The following TYW1 variants were observed in gnomAD, a reference collection of about 807,000 sequenced individuals.
The protein encoded by TYW1 is S-adenosyl-L-methionine-dependent tRNA 4-demethylwyosine synthase TYW1.
A neutral mutation model predicts 96.2 loss-of-function variants in TYW1; 46 were observed. The ratio of observed to expected loss-of-function variants is 0.48; its 90% CI spans 0.38 to 0.61. The LOEUF (loss-of-function observed/expected upper bound fraction) is 0.61, where lower values mean the gene tolerates loss of function less well. Ranked by LOEUF, TYW1 falls within the 20% of genes least tolerant of loss-of-function variation. TYW1 has a pLI of 0.00. For synonymous variants in TYW1, 274 were observed against 323.0 expected, an observed-to-expected ratio of 0.85 and a Z score of 1.63; for missense variants, 684 against 909.6, an observed-to-expected ratio of 0.75 and a Z score of 3.19.
At chr7:67,149,268 A>G (rs2116155189) in intron 13 of TYW1, among the ~76,000 whole-genome samples, 1 of 152,372 alleles carries the variant, frequency 6.6e-6, no homozygotes, top group Non-Finnish European at 1.5e-5. Flanking sequence ...TCTTTTGCTC[A>G]TTCAAACTAG....
chr7:67,223,749 A>G (rs1350853881), intron 15 of TYW1, among the ~76,000 whole-genome samples: 1 of 151,840 alleles, frequency 6.6e-6, no homozygotes, highest in African/African-American at 2.4e-5. Flanking sequence ...CATAACATGT[A>G]CACAGCTGCC....
intron 13 of TYW1, among the ~76,000 whole-genome samples, chr7:67,171,075 C>G (rs140947015): frequency 1.3e-5 from 2 of 151,986 alleles, no homozygotes; most frequent in African/African-American, 2.4e-5. Context: ...AATCTCTTGA[C>G]TTGTAGGTCT....
intron 11 of TYW1, among the ~76,000 whole-genome samples, chr7:67,085,064 T>C (rs939816447): frequency 6.6e-6 from 1 of 152,236 alleles, no homozygotes; most frequent in African/African-American, 2.4e-5. Flanking sequence ...TGTTTTAATA[T>C]AGACACTCTT....
At chr7:67,140,706 TTAAAA>T (rs1584611478) in intron 13 of TYW1, among the ~76,000 whole-genome samples, 1 of 152,352 alleles carries the variant, frequency 6.6e-6, no homozygotes, top group African/African-American at 2.4e-5. Flanking sequence ...ATGGTACCTG[TTAAAA>T]TAAAAAATGT....
intron 12 of TYW1, among the ~76,000 whole-genome samples, chr7:67,109,439 G>A (rs556965338): frequency 6.7e-4 from 90 of 133,356 alleles, no homozygotes; most frequent in African/African-American, 2.7e-3. Context: ...GATCACAAGC[G>A]ACTGTTTTTT....
chr7:67,210,195 G>A (rs571350165), intron 15 of TYW1, among the ~76,000 whole-genome samples: 2 of 152,238 alleles, frequency 1.3e-5, no homozygotes, highest in Admixed American at 6.5e-5. Context: ...GACCTTGATA[G>A]CTTTGAGGGG....
chr7:67,153,356 C>T (rs939274459), intron 13 of TYW1, among the ~76,000 whole-genome samples: 2 of 151,978 alleles, frequency 1.3e-5, no homozygotes, highest in African/African-American at 2.4e-5. Context: ...CTTGGGAGAC[C>T]GAGACAGGAG....
rs1368959136 is a variant in TYW1, at chr7:66,996,905, C to T, written c.-74C>T. On this transcript the variant is annotated 5_prime_UTR_variant, in exon 1 of 16. Transcript: ENST00000359626. ...GCTAACGCGGCGAGGTAGCTCGGTG[C>T]GTCTCGCGGTACCAGTGCGAATCAT... The T allele has an allele frequency of 6.8e-6, 11 of 1,609,392 alleles. No individual in the cohort carries two copies. The highest frequency in any genetic ancestry group is 8.5e-6 in the Non-Finnish European group (10 of 1,178,092).
chr7:67,057,440 T>C (rs1383611080), intron 9 of TYW1, among the ~76,000 whole-genome samples: 1 of 151,982 alleles, frequency 6.6e-6, no homozygotes. Flanking sequence ...TGCAATCTTG[T>C]ATCACTGCAC....
At position 67,107,823 on chromosome 7, in the gene TYW1, C is replaced by A. The variant is rs189701773; in HGVS notation, c.1562+9105C>A. 5.9e-4 allele frequency among the ~76,000 whole-genome samples: 89 copies of A among 150,786 alleles called. 1 individual carries two copies. In the East Asian group the frequency reaches 0.017, roughly 29 times the overall value. ...TCAAGTGATCCTCCCACCCTGGCCT[C>A]CAAAAGTGCTGGGATTACAGGTGGG... On this transcript the variant is annotated intron_variant, in intron 12 of 15. Transcript: ENST00000359626.
chr7:67,172,133 C>T (rs1435069568), intron 13 of TYW1, among the ~76,000 whole-genome samples: 3 of 151,696 alleles, frequency 2.0e-5, no homozygotes, highest in African/African-American at 7.3e-5. Flanking sequence ...TTTCAGCTGT[C>T]TTTTTCTCTA....
At chr7:67,167,201 G>A (rs1026216474) in intron 13 of TYW1, among the ~76,000 whole-genome samples, 8 of 152,036 alleles carry the variant, frequency 5.3e-5, no homozygotes, top group African/African-American at 1.7e-4. Flanking sequence ...CGGGCGCGGC[G>A]GCTCACGCCT....
intron 13 of TYW1, among the ~76,000 whole-genome samples, chr7:67,133,003 A>G (rs1259168754): frequency 1.3e-5 from 2 of 152,224 alleles, no homozygotes; most frequent in Admixed American, 1.3e-4. Context: ...GGATCATAGG[A>G]TATGTACATC....
intron 9 of TYW1, among the ~76,000 whole-genome samples, chr7:67,062,670 C>T (rs1795734530): frequency 6.6e-6 from 1 of 151,836 alleles, no homozygotes; most frequent in Admixed American, 6.6e-5. Flanking sequence ...GGGAGTGCTG[C>T]AAACAATTTT....
chr7:67,008,849 A>G (rs1390426578), intron 3 of TYW1, among the ~76,000 whole-genome samples: 1 of 151,322 alleles, frequency 6.6e-6, no homozygotes, highest in Non-Finnish European at 1.5e-5. Flanking sequence ...TTTAGTAGAG[A>G]CGGGGTTTTA....
In TYW1 at chr7:67,238,914, A is replaced by G; in HGVS notation, c.*385A>G. On this transcript the variant is annotated 3_prime_UTR_variant, in exon 16 of 16. Transcript: ENST00000359626. ...GGCCTCTTCCCCTTACCCGGCCCTT[A>G]GATTTCATGGAGCAGCCACTTAGCA... The G allele has an allele frequency of 2.9e-6, 3 of 1,047,466 alleles. No individual in the cohort carries two copies. Among genetic ancestry groups the G allele is most frequent in the Non-Finnish European group, 3.5e-6 (3 of 865,932 alleles). The allele number at this position is 1,047,466 out of a possible 1,614,324, so 64.9% of individuals were successfully genotyped here. A position where few individuals can be genotyped will look rare whatever the true frequency, so the allele number is the denominator to read the frequency against.
At chr7:67,093,262 C>G (rs1228357903) in intron 11 of TYW1, among the ~76,000 whole-genome samples, 2 of 152,162 alleles carry the variant, frequency 1.3e-5, no homozygotes, top group African/African-American at 2.4e-5. Context: ...GGGCCTGGCA[C>G]CCCATTAAGT....
intron 3 of TYW1, 152 bp from the exon 4 acceptor site, chr7:67,009,431 G>C: frequency 1.5e-6 from 1 of 656,992 alleles, no homozygotes; most frequent in East Asian, 2.8e-5. Flanking sequence ...AAAATGGTAA[G>C]AGTGAGGATA....
chr7:67,133,635 A>G lies in TYW1; in HGVS notation c.1698+16017A>G, dbSNP rs867983397. ...ATCTCAAAAAAAAAAAAAAAGAAAA[A>G]AAAAAGTTTTGGAATTACAGGTGTG... On this transcript the variant is annotated intron_variant, in intron 13 of 15. Transcript: ENST00000359626. Among the ~76,000 whole-genome samples the G allele has an allele frequency of 5.1e-5, 7 of 136,954 alleles. 1 individual carries two copies. Among genetic ancestry groups the G allele is most frequent in the Non-Finnish European group, 1.1e-4 (7 of 63,764 alleles). 89.8% of individuals were successfully genotyped at this position (136,954 alleles called of 152,430 possible).
Sources: allele counts gnomAD v4.1 joint callset (sites outside exome capture counted in the v4.1 genomes callset), GRCh38; gene constraint gnomAD v4.1.1; transcripts MANE v1.5; gene names NCBI Gene and HGNC (gene_info 2026-07-23, HGNC 2026-07-21).